Variants in ABCC3 observed in about 807,000 individuals in gnomAD.
The protein encoded by ABCC3 is ATP binding cassette subfamily C member 3, also known as ATP-binding cassette sub-family C member 3.
In ABCC3, 121 loss-of-function variants were observed where a neutral mutation model predicts 165.3. The observed-to-expected ratio is 0.73, with a 90% CI of 0.63 to 0.85. The LOEUF is 0.85. Ranked by LOEUF, ABCC3 falls within the 40% of genes least tolerant of loss-of-function variation. ABCC3 has a pLI of 0.00. For missense variants in ABCC3, 1,869 were observed against 1,964.1 expected (o/e 0.95, Z 0.92); for synonymous variants, 733 against 810.1 (o/e 0.90, Z 1.62).
intron 25 of ABCC3, 46 bp from the exon 26 acceptor site, chr17:50,679,752 T>G (rs1567837893): frequency 1.9e-6 from 3 of 1,540,412 alleles, no homozygotes; most frequent in African/African-American, 1.4e-5. Flanking sequence ...GCCATTACGG[T>G]GGGGAGGGGA....
At chr17:50,690,996 C>A in intron 30 of ABCC3, 96 bp from the exon 31 acceptor site, 1 of 916,678 alleles carries the variant, frequency 1.1e-6, no homozygotes, top group Non-Finnish European at 1.7e-6. Flanking sequence ...TGGCATGTCA[C>A]TGTGGGCCTG....
intron 1 of ABCC3, among the ~76,000 whole-genome samples, chr17:50,639,848 C>T (rs1179267119): frequency 1.3e-5 from 2 of 151,912 alleles, no homozygotes; most frequent in Non-Finnish European, 2.9e-5. Context: ...ACTGCAACCT[C>T]CACCTCCCAG....
intron 2 of ABCC3, among the ~76,000 whole-genome samples, 197 bp downstream of exon 2, chr17:50,656,205 C>G (rs1185978550): frequency 6.6e-6 from 1 of 152,216 alleles, no homozygotes; most frequent in East Asian, 1.9e-4. Context: ...CCTGCCTCAG[C>G]CTCCTGAGTA....
At chr17:50,673,247 A>G in intron 18 of ABCC3, 109 bp downstream of exon 18, 1 of 1,413,944 alleles carries the variant, frequency 7.1e-7, no homozygotes, top group African/African-American at 1.4e-5. Context: ...GGGGGGCGCA[A>G]GAAGTGGGCA....
In ABCC3 at chr17:50,647,888, A is replaced by T. The variant is rs141872194; in HGVS notation, c.46-7944A>T. Among the ~76,000 whole-genome samples the T allele has an allele frequency of 6.6e-3, 1,003 of 152,086 alleles. 3 individuals are homozygous for T. The highest frequency in any genetic ancestry group is 0.011 in the Non-Finnish European group (735 of 67,970). ...ACCCCGTCTGTACTAAAAATACAAA[A>T]ATTGGCCGGGCGTGGTGGTGGAAGC... On this transcript the variant is annotated intron_variant, in intron 1 of 30. Coordinates refer to ENST00000285238, the MANE Select transcript of ABCC3 (RefSeq NM_003786.4).
intron 1 of ABCC3, among the ~76,000 whole-genome samples, chr17:50,645,056 C>G (rs113268353): frequency 4.0e-5 from 6 of 151,124 alleles, no homozygotes; most frequent in African/African-American, 1.5e-4. Context: ...CAAAAATTAG[C>G]CTGGCGTAGT....
chr17:50,673,348 C>T, intron 18 of ABCC3, 121 bp from the exon 19 acceptor site: 1 of 1,337,370 alleles, frequency 7.5e-7, no homozygotes, highest in East Asian at 2.4e-5. Flanking sequence ...GTGAGTCACC[C>T]ATGTGCCTGT....
chr17:50,654,936 A>C (rs1320457462), intron 1 of ABCC3, among the ~76,000 whole-genome samples: 1 of 102,368 alleles, frequency 9.8e-6, no homozygotes, highest in Non-Finnish European at 2.3e-5. Context: ...TATTAAAAAT[A>C]CAAAAAAAAA....
intron 28 of ABCC3, 40 bp from the exon 29 acceptor site, chr17:50,684,669 G>A: frequency 1.3e-6 from 2 of 1,599,332 alleles, no homozygotes; most frequent in Non-Finnish European, 8.5e-7. Context: ...TCCTCATAGG[G>A]CCTAAGCTGC....
chr17:50,683,981 G>A lies in ABCC3; in HGVS notation c.3987G>A (p.Lys1329=). The part of the protein sequence containing the change: ...VGIVGRTGAG[K]SSMTLCLFRI... ...TCGTGGGCCGCACTGGGGCTGGCAA[G>A]TCTTCCATGACCCTTTGCCTGTTCC... Residue 1329 remains lysine (K), a synonymous_variant, in exon 28 of 31, where the codon AAG becomes AAA. Transcript: ENST00000285238. 6.2e-7 allele frequency: 1 copy of A among 1,613,516 alleles called. No individual in the cohort carries two copies. The highest frequency in any genetic ancestry group is 1.3e-5 in the African/African-American group (1 of 75,010).
chr17:50,676,651 G>C (rs112491979), intron 23 of ABCC3, 63 bp downstream of exon 23: 73 of 1,302,348 alleles, frequency 5.6e-5, no homozygotes, highest in African/African-American at 1.0e-4. Context: ...ACACATGGGC[G>C]GGGGCAGCAG....
Position 50,675,901 on chromosome 17 carries a change from T to C in ABCC3, c.2878T>C (p.Trp960Arg), listed in dbSNP as rs1333332630. The change falls in exon 22 of 31, where the codon TGG becomes CGG. Residue 960 changes from tryptophan to arginine, a missense_variant. Transcript: ENST00000285238. ...AIGTVELSVF[W>R]DYAKAVGLCT... ...CCTACAGGTGGAGCTCAGTGTGTTCTGGGATTATGCCAAGGCCGTGGGGCT... is the reference window on the plus strand; with the variant it reads ...CCTACAGGTGGAGCTCAGTGTGTTCCGGGATTATGCCAAGGCCGTGGGGCT... The C allele has an allele frequency of 6.2e-7, 1 of 1,614,160 alleles. No homozygotes were observed. Among genetic ancestry groups the C allele is most frequent in the Admixed American group, 1.7e-5 (1 of 60,024 alleles).
chr17:50,675,514 T>C, intron 20 of ABCC3, 38 bp downstream of exon 20: 1 of 1,599,786 alleles, frequency 6.3e-7, no homozygotes, highest in South Asian at 1.1e-5. Context: ...CCGGAGGCTG[T>C]ATCAGGCCTC....
At position 50,679,780 on chromosome 17, in the gene ABCC3, C is replaced by T; in HGVS notation, c.3706-18C>T. 2 of 1,610,546 alleles carry T rather than the reference C, an allele frequency of 1.2e-6. No homozygotes were observed. ...GGAGGGGAGATCGCCATACGTATAA[C>T]CCAGTCCCTTTGGCCAGGTGACATT... On this transcript the variant is annotated intron_variant, in intron 25 of 30. Transcript: ENST00000285238.
In ABCC3 at chr17:50,669,390, G is replaced by A; in HGVS notation, c.2103G>A (p.Gln701=). The A allele has an allele frequency of 6.2e-7, 1 of 1,614,262 alleles. No homozygotes were observed. The highest frequency in any genetic ancestry group is 1.1e-5 in the South Asian group (1 of 91,090). The change falls in exon 17 of 31, where the codon CAG becomes CAA. Residue 701 remains glutamine (Q), a synonymous_variant. Coordinates refer to ENST00000285238, the MANE Select transcript of ABCC3 (RefSeq NM_003786.4). ...ATGTGCCCCAGCAGGCATGGATCCAGAACTGCACTCTTCAGGAAAACGTGC... is the reference window on the plus strand; with the variant it reads ...ATGTGCCCCAGCAGGCATGGATCCAAAACTGCACTCTTCAGGAAAACGTGC... ...VAYVPQQAWI[Q]NCTLQENVLF...
intron 1 of ABCC3, among the ~76,000 whole-genome samples, chr17:50,637,176 C>T (rs142693312): frequency 2.4e-3 from 369 of 152,256 alleles, no homozygotes; most frequent in African/African-American, 8.0e-3. Context: ...CCCCTTCCCA[C>T]CCCAATCTCT....
chr17:50,673,017 G>C lies in ABCC3; in HGVS notation c.2288G>C (p.Arg763Pro). The change falls in exon 18 of 31, where the codon CGA becomes CCA. Residue 763 changes from arginine (R) to proline (P), a missense_variant. Physicochemically the swap from Arg to Pro is moderately radical, Grantham distance 103 (BLOSUM62 -2). Transcript: ENST00000285238. ...CAGCGGCAGCGGGTCAGTCTGGCTCGAGCTGTTTACAGTGATGCCGATATT... is the reference window on the plus strand; with the variant it reads ...CAGCGGCAGCGGGTCAGTCTGGCTCCAGCTGTTTACAGTGATGCCGATATT... ...GGQRQRVSLA[R>P]AVYSDADIFL... The C allele has an allele frequency of 6.2e-7, 1 of 1,614,112 alleles. No homozygotes were observed. The highest frequency in any genetic ancestry group is 8.5e-7 in the Non-Finnish European group (1 of 1,180,026).
intron 1 of ABCC3, chr17:50,635,777 G>C: frequency 1.7e-6 from 1 of 592,350 alleles, no homozygotes; most frequent in Non-Finnish European, 3.0e-6. Context: ...CCACCCTTTG[G>C]GAGGCAGAGG....
intron 1 of ABCC3, among the ~76,000 whole-genome samples, chr17:50,643,851 G>T (rs1022013394): frequency 1.3e-5 from 2 of 152,114 alleles, no homozygotes; most frequent in Admixed American, 6.6e-5. Context: ...TGCCATGGGG[G>T]GGGTCTTGAG....
Sources: allele counts gnomAD v4.1 joint callset (sites outside exome capture counted in the v4.1 genomes callset), GRCh38; gene constraint gnomAD v4.1.1; transcripts MANE v1.5; gene names NCBI Gene and HGNC (gene_info 2026-07-23, HGNC 2026-07-21).